The following KIFC2 variants were observed in gnomAD, a reference collection of about 807,000 sequenced individuals.
KIFC2 encodes kinesin family member C2.
KIFC2 carries 94 observed loss-of-function variants against 91.5 expected under a neutral mutation model. The observed-to-expected ratio is 1.03, with a 90% CI of 0.87 to 1.22. The LOEUF (loss-of-function observed/expected upper bound fraction) is 1.22. KIFC2 is among the 50% of genes most tolerant of loss of function. KIFC2 has a pLI of 0.00. For synonymous variants in KIFC2, 729 were observed against 503.9 expected (o/e 1.45, Z -5.98); for missense variants, 1,357 against 1,103.3 (o/e 1.23, Z -3.26).
chr8:144,466,747 GC>G lies in KIFC2; in HGVS notation c.100-8del. 1.3e-6 allele frequency: 2 copies of G among 1,521,504 alleles called. No homozygotes were observed. Among genetic ancestry groups the G allele is most frequent in the Non-Finnish European group, 1.8e-6 (2 of 1,140,878 alleles). The allele number at this position is 1,521,504 out of a possible 1,614,324, so 94.3% of individuals were successfully genotyped here. Reference sequence around the variant, plus strand: ...TGCCCCCCTCCTCAGGGGCGCCCCTGCCCCCTCCCTAGAGAGCCCGCAAGCC... The same window carrying G: ...TGCCCCCCTCCTCAGGGGCGCCCCTGCCCCTCCCTAGAGAGCCCGCAAGCC... On this transcript the variant is annotated splice_polypyrimidine_tract_variant and intron_variant, in intron 1 of 17. Transcript: ENST00000645548.
At position 144,474,049 on chromosome 8, in the gene KIFC2, G is replaced by T. The variant is rs1825058923; in HGVS notation, c.*660G>T. 8 of 597,658 alleles carry T rather than the reference G, an allele frequency of 1.3e-5. No homozygotes were observed. The highest frequency in any genetic ancestry group is 1.8e-5 in the Non-Finnish European group (6 of 337,540). 37.0% of individuals were successfully genotyped at this position (597,658 alleles called of 1,614,324 possible). A position where few individuals can be genotyped will look rare whatever the true frequency, so the allele number is the denominator to read the frequency against. ...AGGAAAAACAGGCATGACAGACCAGGGTGAGGGTTGTGCCCAGCTGGGCCA... is the reference window on the plus strand; with the variant it reads ...AGGAAAAACAGGCATGACAGACCAGTGTGAGGGTTGTGCCCAGCTGGGCCA... On this transcript the variant is annotated 3_prime_UTR_variant, in exon 18 of 18. Transcript: ENST00000645548.
In KIFC2 at chr8:144,473,428, G is replaced by C. The variant is rs1337611201; in HGVS notation, c.*39G>C. On this transcript the variant is annotated 3_prime_UTR_variant, in exon 18 of 18. Coordinates refer to ENST00000645548, the MANE Select transcript of KIFC2 (RefSeq NM_001369769.2). ...CCCTGCCCATGGGGTCTCAGGCCAG[G>C]TCTCTGCTGGCAGAGGCGGTAGTAA... 1.3e-6 allele frequency: 2 copies of C among 1,551,712 alleles called. No homozygotes were observed. The highest frequency in any genetic ancestry group is 2.4e-5 in the South Asian group (2 of 84,728).
Position 144,469,545 on chromosome 8 carries a change from T to C in KIFC2, c.1278T>C (p.Ser426=), listed in dbSNP as rs1824843346. 6.2e-7 allele frequency: 1 copy of C among 1,613,814 alleles called. No individual in the cohort carries two copies. The highest frequency in any genetic ancestry group is 8.5e-7 in the Non-Finnish European group (1 of 1,179,990). The change falls in exon 12 of 18, where the codon AGT becomes AGC. Residue 426 remains serine (S), a synonymous_variant. Transcript: ENST00000645548. ...CAGGGACATCTTCTAGCCTTGTGAG[T>C]GTGGAGCCTGGCCCAGGGGGCACCG... ...LRPGTSSSLV[S]VEPGPGGTVT...
intron 5 of KIFC2, 38 bp downstream of exon 5, chr8:144,467,668 A>T (rs1824736548): frequency 6.2e-7 from 1 of 1,606,560 alleles, no homozygotes; most frequent in South Asian, 1.1e-5. Flanking sequence ...GCCGGCTGGG[A>T]CGCCAGAAAA....
chr8:144,467,868 G>T lies in KIFC2; in HGVS notation c.691G>T (p.Asp231Tyr). The T allele has an allele frequency of 6.2e-7, 1 of 1,613,464 alleles. No individual in the cohort carries two copies. The highest frequency in any genetic ancestry group is 8.5e-7 in the Non-Finnish European group (1 of 1,179,816). ...GTTTCCTCTCCACCAGGGGGCGACG[G>T]ACTCAGAGAAAAGGGTTCAGCATCT... ...GRLRLGVGAT[D>Y]SEKRVQHLTL... Residue 231 changes from aspartate (D) to tyrosine (Y), a missense_variant, in exon 7 of 18, where the codon GAC becomes TAC. Transcript: ENST00000645548.
At position 144,467,516 on chromosome 8, in the gene KIFC2, C is replaced by G. The variant is rs141472376; in HGVS notation, c.501C>G (p.His167Gln). 12 of 1,591,986 alleles carry G rather than the reference C, an allele frequency of 7.5e-6. No homozygotes were observed. Among genetic ancestry groups the G allele is most frequent in the Middle Eastern group, 3.4e-4 (2 of 5,944 alleles). The change falls in exon 5 of 18, where the codon CAC becomes CAG. Residue 167 changes from histidine (H) to glutamine (Q), a missense_variant. Coordinates refer to ENST00000645548, the MANE Select transcript of KIFC2 (RefSeq NM_001369769.2). ...GSTSQEESPS[H>Q]FTAVPGEPLG... ...CATCCCAAGAAGAAAGCCCTTCCCA[C>G]TTCACCGCAGTCCCAGGCGAGCCAC... is the stretch of plus-strand genomic sequence containing the variant.
At chr8:144,468,454 G>C (rs1258591833) in intron 8 of KIFC2, 48 bp downstream of exon 8, 3 of 1,587,248 alleles carry the variant, frequency 1.9e-6, no homozygotes, top group Non-Finnish European at 1.7e-6. Flanking sequence ...AGGCGGGCTG[G>C]GGTTTTGGGA....
intron 12 of KIFC2, among the ~76,000 whole-genome samples, 165 bp from the exon 13 acceptor site, chr8:144,471,777 G>A (rs995159976): frequency 2.6e-5 from 4 of 152,138 alleles, no homozygotes; most frequent in Non-Finnish European, 5.9e-5. Context: ...TAGGGAGACA[G>A]AGGGTCTCTG....
chr8:144,466,740 C>A lies in KIFC2; in HGVS notation c.100-20C>A, dbSNP rs1015833002. The stretch of plus-strand genomic sequence containing the variant: ...GGCTGCCTGCCCCCCTCCTCAGGGG[C>A]GCCCCTGCCCCCTCCCTAGAGAGCC... On this transcript the variant is annotated intron_variant, in intron 1 of 17. Coordinates refer to ENST00000645548, the MANE Select transcript of KIFC2 (RefSeq NM_001369769.2). 2.7e-6 allele frequency: 4 copies of A among 1,507,798 alleles called. No homozygotes were observed. In the African/African-American group the frequency reaches 5.7e-5, roughly 21 times the overall value. 93.4% of individuals were successfully genotyped at this position (1,507,798 alleles called of 1,614,324 possible).
Position 144,473,241 on chromosome 8 carries a change from C to T in KIFC2, c.2228C>T (p.Ser743Phe), listed in dbSNP as rs1386281281. The T allele has an allele frequency of 3.1e-6, 5 of 1,602,400 alleles. No individual in the cohort carries two copies. The highest frequency in any genetic ancestry group is 1.7e-4 in the Middle Eastern group (1 of 6,034). Residue 743 changes from serine to phenylalanine, a missense_variant, in exon 18 of 18, where the codon TCC becomes TTC. Coordinates refer to ENST00000645548, the MANE Select transcript of KIFC2 (RefSeq NM_001369769.2). ...GPARRRRVPR[S>F]SGTPSSLSTD... ...GCCCGGCGCCGCAGGGTCCCGCGCT[C>T]CTCCGGGACGCCTTCTTCCCTCAGC...
At chr8:144,468,223 G>A in intron 7 of KIFC2, 106 bp from the exon 8 acceptor site, 1 of 1,132,106 alleles carries the variant, frequency 8.8e-7, no homozygotes, top group Non-Finnish European at 1.3e-6. Context: ...GGGAGGCATG[G>A]GTTCACAGCC....
At position 144,467,241 on chromosome 8, in the gene KIFC2, G is replaced by A. The variant is rs760323638; in HGVS notation, c.369G>A (p.Gln123=). The change falls in exon 4 of 18, where the codon CAG becomes CAA. Residue 123 remains glutamine (Q), a synonymous_variant. Transcript: ENST00000645548. The part of the protein sequence containing the change: ...EVPSLLTVTS[Q]LLALLAWLRS... ...CCTCACTGTTGACAGTGACCAGTCA[G>A]CTCTTGGCCCTTCTGGCATGGCTTC... The A allele has an allele frequency of 3.0e-5, 49 of 1,613,562 alleles. No homozygotes were observed. In the Admixed American group the frequency reaches 8.2e-4, roughly 27 times the overall value.
In KIFC2 at chr8:144,472,950, C is replaced by T; in HGVS notation, c.2017C>T (p.Leu673=). ...LLALGGVMAA[L]RAHRPHVPFR... is the part of the protein sequence containing the mutation. The stretch of plus-strand genomic sequence containing the variant: ...GGCGCTAGGAGGCGTGATGGCCGCA[C>T]TGCGGGCCCACCGGCCGCACGTGCC... The change falls in exon 17 of 18, where the codon CTG becomes TTG. Residue 673 remains leucine (L), a synonymous_variant. Transcript: ENST00000645548. 3 of 1,473,310 alleles carry T rather than the reference C, an allele frequency of 2.0e-6. No individual in the cohort carries two copies. Among genetic ancestry groups the T allele is most frequent in the South Asian group, 1.3e-5 (1 of 75,868 alleles). 91.3% of individuals were successfully genotyped at this position (1,473,310 alleles called of 1,614,324 possible).
At position 144,466,917 on chromosome 8, in the gene KIFC2, A is replaced by C. The variant is rs542311583; in HGVS notation, c.179-42A>C. On this transcript the variant is annotated intron_variant, in intron 2 of 17. Coordinates refer to ENST00000645548, the MANE Select transcript of KIFC2 (RefSeq NM_001369769.2). ...GGAGGGGCGGAGGCCTGGCTCAAGC[A>C]CGTGACCCGAAATGTCTCCCGCCCT... The C allele has an allele frequency of 5.1e-6, 8 of 1,571,666 alleles. No individual in the cohort carries two copies. In the South Asian group the frequency reaches 9.1e-5, roughly 18 times the overall value.
At position 144,472,241 on chromosome 8, in the gene KIFC2, T is replaced by A; in HGVS notation, c.1589T>A (p.Ile530Asn). The A allele has an allele frequency of 6.2e-7, 1 of 1,613,204 alleles. No individual in the cohort carries two copies. The highest frequency in any genetic ancestry group is 8.5e-7 in the Non-Finnish European group (1 of 1,179,948). ...CGGGTGACACTCAGCATGGTGGAGA[T>A]CTACAATGAGGCTGTCAGGTGGGCT... ...QHRVTLSMVE[I>N]YNEAVRDLLA... Residue 530 changes from isoleucine (I) to asparagine (N), a missense_variant, in exon 14 of 18, where the codon ATC (isoleucine) becomes AAC (asparagine). Ile to Asn is a moderately radical substitution (Grantham distance 149, BLOSUM62 -3). Coordinates refer to ENST00000645548, the MANE Select transcript of KIFC2 (RefSeq NM_001369769.2).
At chr8:144,469,202 C>T (rs930388097) in intron 10 of KIFC2, 69 bp from the exon 11 acceptor site, 15 of 1,288,748 alleles carry the variant, frequency 1.2e-5, no homozygotes, top group African/African-American at 9.0e-5. Context: ...GCTCTCAGGA[C>T]CCTCCCACCC....
intron 12 of KIFC2, among the ~76,000 whole-genome samples, chr8:144,471,711 C>T (rs1050877253): frequency 1.3e-5 from 2 of 152,194 alleles, no homozygotes; most frequent in Non-Finnish European, 2.9e-5. Flanking sequence ...TGTTCCTCTT[C>T]TCATTGTGTC....
At position 144,469,601 on chromosome 8, in the gene KIFC2, G is replaced by T. The variant is rs780767732; in HGVS notation, c.1334G>T (p.Arg445Leu). The change falls in exon 12 of 18, where the codon CGA becomes CTA. Residue 445 changes from arginine to leucine, a missense_variant. Coordinates refer to ENST00000645548, the MANE Select transcript of KIFC2 (RefSeq NM_001369769.2). ...ACCTGCTACCGGGGGCGCCATCGTCGATTCCGCCTAGACTGGGTCTTCCCT... is the reference window on the plus strand; with the variant it reads ...ACCTGCTACCGGGGGCGCCATCGTCTATTCCGCCTAGACTGGGTCTTCCCT... ...VTTCYRGRHR[R>L]FRLDWVFPPD... 1 of 1,611,732 alleles carries T rather than the reference G, an allele frequency of 6.2e-7. No homozygotes were observed. Among genetic ancestry groups the T allele is most frequent in the Non-Finnish European group, 8.5e-7 (1 of 1,179,210 alleles).
At chr8:144,471,905 G>A (rs770674482) in intron 12 of KIFC2, 37 bp from the exon 13 acceptor site, 2 of 1,587,928 alleles carry the variant, frequency 1.3e-6, no homozygotes, top group South Asian at 1.1e-5. Context: ...CAGGCAACGT[G>A]GGGAGGACTC....
Sources: gnomAD v4.1 joint callset for allele counts (sites outside exome capture counted in the v4.1 genomes callset) on GRCh38, gnomAD v4.1.1 for gene constraint, MANE v1.5 for transcripts, NCBI Gene and HGNC (gene_info 2026-07-23, HGNC 2026-07-21) for gene names.